Variants in UHRF2 observed in about 807,000 individuals in gnomAD.
UHRF2 encodes E3 ubiquitin-protein ligase UHRF2.
A neutral mutation model predicts 96.8 loss-of-function variants in UHRF2; 23 were observed. The ratio of observed to expected loss-of-function variants is 0.24; its 90% CI spans 0.17 to 0.34. The LOEUF is 0.34. UHRF2 is among the 10% of genes least tolerant of loss of function. The pLI is 1.00. For synonymous variants in UHRF2, 385 were observed against 332.6 expected (o/e 1.16, Z -1.72); for missense variants, 685 against 981.5 (o/e 0.70, Z 4.04).
intron 9 of UHRF2, among the ~76,000 whole-genome samples, chr9:6,492,129 A>G (rs1824701011): frequency 6.6e-6 from 1 of 152,186 alleles, no homozygotes; most frequent in Non-Finnish European, 1.5e-5. Flanking sequence ...TGTTGATGTA[A>G]TGATTAAAGT....
intron 3 of UHRF2, among the ~76,000 whole-genome samples, chr9:6,450,942 C>T (rs186939785): frequency 4.1e-4 from 63 of 152,142 alleles, no homozygotes; most frequent in Admixed American, 9.2e-4. Context: ...TAGGTCTTTT[C>T]GTTGGAAAAG....
chr9:6,440,003 G>C (rs1033275309), intron 3 of UHRF2, among the ~76,000 whole-genome samples: 1 of 152,154 alleles, frequency 6.6e-6, no homozygotes, highest in African/African-American at 2.4e-5. Context: ...AGTGTGTACT[G>C]TTCAGTTGTA....
At chr9:6,487,661 C>G (rs1256013345) in intron 9 of UHRF2, among the ~76,000 whole-genome samples, 4 of 152,298 alleles carry the variant, frequency 2.6e-5, no homozygotes, top group African/African-American at 9.6e-5. Context: ...GCCACCACAC[C>G]TGGTCAATTT....
At chr9:6,457,009 A>G (rs899096874) in intron 3 of UHRF2, among the ~76,000 whole-genome samples, 3 of 152,150 alleles carry the variant, frequency 2.0e-5, no homozygotes, top group Non-Finnish European at 4.4e-5. Flanking sequence ...TTAGTTCCAT[A>G]TGAAATTTAA....
At chr9:6,476,679 C>T (rs1823593007) in intron 5 of UHRF2, among the ~76,000 whole-genome samples, 1 of 152,136 alleles carries the variant, frequency 6.6e-6, no homozygotes. Context: ...ACTGCAACCT[C>T]TGCCTCCCGG....
At chr9:6,442,276 A>G (rs764277775) in intron 3 of UHRF2, among the ~76,000 whole-genome samples, 1 of 152,116 alleles carries the variant, frequency 6.6e-6, no homozygotes, top group Non-Finnish European at 1.5e-5. Context: ...TCCTTCTAAG[A>G]CAAGCTTCCT....
At chr9:6,476,075 T>C (rs1314142170) in intron 5 of UHRF2, among the ~76,000 whole-genome samples, 1 of 152,170 alleles carries the variant, frequency 6.6e-6, no homozygotes, top group Non-Finnish European at 1.5e-5. Flanking sequence ...ATCATTCTAT[T>C]CTCCACCTGC....
At chr9:6,479,709 C>G (rs1823809747) in intron 6 of UHRF2, among the ~76,000 whole-genome samples, 1 of 152,120 alleles carries the variant, frequency 6.6e-6, no homozygotes, top group Non-Finnish European at 1.5e-5. Context: ...AAATCCTGCT[C>G]CTCCCCCAGT....
chr9:6,430,133 C>A (rs893364300), intron 2 of UHRF2, among the ~76,000 whole-genome samples: 8 of 152,218 alleles, frequency 5.3e-5, no homozygotes, highest in Non-Finnish European at 1.2e-4. Context: ...GCCTCAGCCT[C>A]CCAAGTAGCT....
chr9:6,453,870 A>T (rs994104440), intron 3 of UHRF2, among the ~76,000 whole-genome samples: 3 of 152,128 alleles, frequency 2.0e-5, no homozygotes, highest in Admixed American at 2.0e-4. Context: ...ATGCCATTGT[A>T]CTCCAACCTG....
rs1816582066 is a variant in UHRF2 at position 6,506,339 on chromosome 9, G to A, written c.*160G>A. 1 of 880,410 alleles carries A rather than the reference G, an allele frequency of 1.1e-6. No homozygotes were observed. The highest frequency in any genetic ancestry group is 1.7e-5 in the African/African-American group (1 of 58,714). The allele number at this position is 880,410 out of a possible 1,614,324, so 54.5% of individuals were successfully genotyped here. A position where few individuals can be genotyped will look rare whatever the true frequency, so the allele number is the denominator to read the frequency against. On this transcript the variant is annotated 3_prime_UTR_variant, in exon 16 of 16. Coordinates refer to ENST00000276893, the MANE Select transcript of UHRF2 (RefSeq NM_152896.3). ...CATCATCTTGTGTGTGTAGTAAGAG[G>A]CCCATTTCTCAACTGTCTTTTAAAT... is the stretch of plus-strand genomic sequence containing the variant.
rs1819399058 is a variant in UHRF2 at position 6,413,351 on chromosome 9, G to A, written c.-140G>A. The A allele has an allele frequency of 6.0e-6, 5 of 832,276 alleles. No individual in the cohort carries two copies. The highest frequency in any genetic ancestry group is 1.8e-5 in the African/African-American group (1 of 54,524). 51.6% of individuals were successfully genotyped at this position (832,276 alleles called of 1,614,324 possible). On this transcript the variant is annotated 5_prime_UTR_variant, in exon 1 of 16. Transcript: ENST00000276893. The stretch of plus-strand genomic sequence containing the variant: ...GTCGTCGCCGCCTGTCGGGCCCGGC[G>A]TCCGGTCGGTCCGGTGGGCGCGCTC...
intron 2 of UHRF2, among the ~76,000 whole-genome samples, chr9:6,429,639 G>A (rs531853941): frequency 2.0e-5 from 3 of 152,262 alleles, no homozygotes; most frequent in Admixed American, 6.5e-5. Flanking sequence ...GCTATACTCT[G>A]AGTTTTAATG....
chr9:6,469,313 A>C (rs551989797), intron 4 of UHRF2, among the ~76,000 whole-genome samples: 1 of 152,058 alleles, frequency 6.6e-6, no homozygotes, highest in Admixed American at 6.6e-5. Context: ...AGGTCAGGAG[A>C]TCAAGACTAT....
chr9:6,470,666 A>G (rs1048457249), intron 4 of UHRF2, among the ~76,000 whole-genome samples: 20 of 152,338 alleles, frequency 1.3e-4, no homozygotes, highest in African/African-American at 4.8e-4. Context: ...ACAATAATGC[A>G]GAAGATGGGG....
rs574500108 is a variant in UHRF2 at position 6,456,067 on chromosome 9, A to G, written c.645-4506A>G. On this transcript the variant is annotated intron_variant, in intron 3 of 15. Transcript: ENST00000276893. ...TCAGGTTAGGTTTGTAATACTTACT[A>G]TTAGGAAATATACGTACAGCCAAGT... is the stretch of plus-strand genomic sequence containing the variant. Among the ~76,000 whole-genome samples, 6 of 152,362 alleles carry G rather than the reference A, an allele frequency of 3.9e-5. 1 individual carries two copies. The South Asian group carries it at 1.0e-3, about 26-fold the overall frequency.
rs187494255 is a variant in UHRF2, at chr9:6,485,287, C to T, written c.1393-1534C>T. Reference sequence around the variant, plus strand: ...CTACTATAAATATAGTAAAAATACACTTTGTGTATTTCTAATTGCCTTATT... The same window carrying T: ...CTACTATAAATATAGTAAAAATACATTTTGTGTATTTCTAATTGCCTTATT... On this transcript the variant is annotated intron_variant, in intron 8 of 15. Coordinates refer to ENST00000276893, the MANE Select transcript of UHRF2 (RefSeq NM_152896.3). Among the ~76,000 whole-genome samples the T allele has an allele frequency of 3.9e-5, 6 of 152,002 alleles. No homozygotes were observed. The South Asian group carries it at 1.2e-3, about 32-fold the overall frequency.
intron 3 of UHRF2, among the ~76,000 whole-genome samples, chr9:6,455,130 T>C (rs550749022): frequency 2.6e-5 from 4 of 152,110 alleles, no homozygotes; most frequent in Admixed American, 2.6e-4. Flanking sequence ...GCAGCAGCTT[T>C]TTTGTTTGTT....
chr9:6,419,896 C>T (rs1819827407), intron 1 of UHRF2, among the ~76,000 whole-genome samples: 1 of 152,014 alleles, frequency 6.6e-6, no homozygotes, highest in Non-Finnish European at 1.5e-5. Flanking sequence ...TGTACAATCA[C>T]ACCCGGCTAC....
Sources: gnomAD v4.1 joint callset for allele counts (sites outside exome capture counted in the v4.1 genomes callset) on GRCh38, gnomAD v4.1.1 for gene constraint, MANE v1.5 for transcripts, NCBI Gene and HGNC (gene_info 2026-07-23, HGNC 2026-07-21) for gene names.